ADI1: variants seen among roughly 807,000 people sequenced by gnomAD.
ADI1 encodes the protein acireductone dioxygenase 1, also known as acireductone dioxygenase.
Under a neutral mutation model 18.7 loss-of-function variants are expected in ADI1, and 21 were observed. The observed-to-expected ratio is 1.13, with a 90% CI of 0.80 to 1.62. The LOEUF is 1.62. Among genes scored for constraint, ADI1 ranks in the 40% most tolerant of loss-of-function variants. ADI1 has a pLI of 0.00. For missense variants in ADI1, 245 were observed against 254.9 expected (o/e 0.96, Z 0.26); for synonymous variants, 90 against 100.1 (o/e 0.90, Z 0.60).
intron 1 of ADI1, 118 bp downstream of exon 1, chr2:3,519,250 C>G (rs1239609371): frequency 3.9e-6 from 5 of 1,282,600 alleles, no homozygotes; most frequent in Non-Finnish European, 5.0e-6. Flanking sequence ...CGCTGCTGAG[C>G]ATGCGCAGCA....
intron 3 of ADI1, among the ~76,000 whole-genome samples, chr2:3,499,287 A>C (rs1225710722): frequency 1.3e-5 from 2 of 152,208 alleles, no homozygotes; most frequent in Non-Finnish European, 2.9e-5. Flanking sequence ...GCCTGTCCTC[A>C]CGTGCCAGGT....
chr2:3,512,436 C>A (rs558080926), intron 2 of ADI1, among the ~76,000 whole-genome samples: 2 of 152,240 alleles, frequency 1.3e-5, no homozygotes, highest in Admixed American at 6.5e-5. Context: ...CAGAGCCCCT[C>A]TGCCCTACAG....
chr2:3,508,334 CAAAA>C (rs33977448), intron 2 of ADI1, among the ~76,000 whole-genome samples: 1,284 of 26,568 alleles, frequency 0.048, 6 homozygotes, highest in African/African-American at 0.1. Flanking sequence ...GACTCTGTCT[CAAAA>C]AAAAAAAAAA....
intron 2 of ADI1, among the ~76,000 whole-genome samples, chr2:3,503,597 C>G (rs1348482542): frequency 6.6e-6 from 1 of 152,188 alleles, no homozygotes; most frequent in Non-Finnish European, 1.5e-5. Flanking sequence ...CCACAGAAAG[C>G]ACCTGAGCAC....
At chr2:3,506,173 A>G (rs1667171994) in intron 2 of ADI1, among the ~76,000 whole-genome samples, 3 of 152,238 alleles carry the variant, frequency 2.0e-5, no homozygotes, top group Non-Finnish European at 4.4e-5. Flanking sequence ...CCAGAGGCAC[A>G]GGCTGACTAC....
At chr2:3,504,099 GA>G (rs1667115619) in intron 2 of ADI1, among the ~76,000 whole-genome samples, 1 of 152,162 alleles carries the variant, frequency 6.6e-6, no homozygotes, top group African/African-American at 2.4e-5. Context: ...AGTTACAGAG[GA>G]AAAGAAAAGG....
At chr2:3,501,644 G>A (rs1447867092) in intron 2 of ADI1, among the ~76,000 whole-genome samples, 9 of 151,214 alleles carry the variant, frequency 6.0e-5, no homozygotes, top group Admixed American at 5.9e-4. Context: ...AGCGATTCTC[G>A]TGCCTCCCAA....
rs1015333020 is a variant in ADI1, at chr2:3,513,707, T to C, written c.240+150A>G. On this transcript the variant is annotated intron_variant, in intron 2 of 3. Coordinates refer to ENST00000327435, the MANE Select transcript of ADI1 (RefSeq NM_018269.4). ...AACTGTGGGCCAATTAAATCTCTTT[T>C]CTTATAAATTACACAGTTTCAGGTA... 3 of 844,460 alleles carry C rather than the reference T, an allele frequency of 3.6e-6. No individual in the cohort carries two copies. The Admixed American group carries it at 1.0e-4, about 28-fold the overall frequency. 52.3% of individuals were successfully genotyped at this position (844,460 alleles called of 1,614,324 possible).
chr2:3,511,675 G>A (rs887585740), intron 2 of ADI1, among the ~76,000 whole-genome samples: 1 of 152,232 alleles, frequency 6.6e-6, no homozygotes, highest in Non-Finnish European at 1.5e-5. Context: ...AAATATGGAA[G>A]CAGCTTTGGA....
intron 2 of ADI1, among the ~76,000 whole-genome samples, chr2:3,509,852 A>C (rs1381224210): frequency 4.6e-5 from 7 of 151,648 alleles, no homozygotes; most frequent in Non-Finnish European, 1.0e-4. Context: ...AAAAAAAAAA[A>C]AATTAGGCAG....
In ADI1 at chr2:3,498,935, G is replaced by T; in HGVS notation, c.*28C>A. 1 of 1,588,512 alleles carries T rather than the reference G, an allele frequency of 6.3e-7. No homozygotes were observed. Among genetic ancestry groups the T allele is most frequent in the Non-Finnish European group, 8.6e-7 (1 of 1,160,958 alleles). The stretch of plus-strand genomic sequence containing the variant: ...GTCATTACATTGGGGACCTTTACGA[G>T]GCACGTGTTAGTTCCCAGGCAGCAC... On this transcript the variant is annotated 3_prime_UTR_variant, in exon 4 of 4. Transcript: ENST00000327435.
intron 3 of ADI1, 155 bp downstream of exon 3, chr2:3,500,659 C>A: frequency 1.0e-6 from 1 of 991,248 alleles, no homozygotes; most frequent in South Asian, 1.5e-5. Context: ...ACATCGCCTG[C>A]GGCTCCACAG....
intron 2 of ADI1, among the ~76,000 whole-genome samples, chr2:3,511,777 A>T (rs1029895143): frequency 6.6e-6 from 1 of 152,230 alleles, no homozygotes; most frequent in Non-Finnish European, 1.5e-5. Flanking sequence ...GAGACTGGTT[A>T]ACTCATTGTG....
intron 3 of ADI1, among the ~76,000 whole-genome samples, chr2:3,500,222 C>G (rs1666963600): frequency 6.6e-6 from 1 of 151,984 alleles, no homozygotes; most frequent in African/African-American, 2.4e-5. Flanking sequence ...CACCAGGTCC[C>G]CTTTCATATT....
chr2:3,518,116 T>C (rs1667447511), intron 1 of ADI1, among the ~76,000 whole-genome samples: 1 of 152,192 alleles, frequency 6.6e-6, no homozygotes, highest in Non-Finnish European at 1.5e-5. Flanking sequence ...CTTGATTGCT[T>C]TGAAGAAGTA....
At chr2:3,502,445 T>A (rs1667044867) in intron 2 of ADI1, among the ~76,000 whole-genome samples, 2 of 133,052 alleles carry the variant, frequency 1.5e-5, no homozygotes, top group Non-Finnish European at 3.0e-5. Context: ...CAAACGGAAA[T>A]AGCTCTTTTT....
At chr2:3,499,699 A>G (rs1666949689) in intron 3 of ADI1, among the ~76,000 whole-genome samples, 1 of 152,216 alleles carries the variant, frequency 6.6e-6, no homozygotes, top group Non-Finnish European at 1.5e-5. Context: ...TAATGGTTAA[A>G]TACAGTACAG....
intron 2 of ADI1, among the ~76,000 whole-genome samples, chr2:3,502,743 C>A (rs117705956): frequency 2.0e-5 from 3 of 152,136 alleles, no homozygotes; most frequent in Non-Finnish European, 4.4e-5. Flanking sequence ...AGCCACCGCA[C>A]ACGGCGACAA....
intron 2 of ADI1, among the ~76,000 whole-genome samples, chr2:3,504,713 T>C (rs1441674213): frequency 6.6e-6 from 1 of 152,190 alleles, no homozygotes; most frequent in Non-Finnish European, 1.5e-5. Flanking sequence ...GTCTGTATTG[T>C]CTGTTCGCCT....
Sources: allele counts gnomAD v4.1 joint callset (sites outside exome capture counted in the v4.1 genomes callset), GRCh38; gene constraint gnomAD v4.1.1; transcripts MANE v1.5; gene names NCBI Gene and HGNC (gene_info 2026-07-23, HGNC 2026-07-21).